The following HECW2 variants were observed in gnomAD, a reference collection of about 807,000 sequenced individuals.
HECW2 encodes E3 ubiquitin-protein ligase HECW2.
HECW2 carries 61 observed loss-of-function variants against 175.2 expected under a neutral mutation model. The observed-to-expected ratio is 0.35, with a 90% CI of 0.28 to 0.43. The LOEUF is 0.43. HECW2 is among the 20% of genes least tolerant of loss of function. The pLI, the probability that HECW2 is intolerant of heterozygous loss-of-function variation, is 1.00. For missense variants in HECW2, 1,524 were observed against 2,000.5 expected (o/e 0.76, Z 4.54); for synonymous variants, 671 against 731.0 (o/e 0.92, Z 1.32).
At chr2:196,532,039 G>A (rs1348655306) in intron 1 of HECW2, among the ~76,000 whole-genome samples, 1 of 152,166 alleles carries the variant, frequency 6.6e-6, no homozygotes, top group Non-Finnish European at 1.5e-5. Flanking sequence ...GCACACAACT[G>A]GCATCTAACA....
rs1473996838 is a variant in HECW2, at chr2:196,581,006, C to A, written c.-36+12502G>T. ...TGACACATGCTACAACATGCATAAA[C>A]CTTAAAAATATTATGCTAAGTGAAA... On this transcript the variant is annotated intron_variant, in intron 1 of 28. Coordinates refer to ENST00000644978, the MANE Select transcript of HECW2 (RefSeq NM_001348768.2). Among the ~76,000 whole-genome samples the A allele has an allele frequency of 3.3e-5, 5 of 152,030 alleles. No individual in the cohort carries two copies. In the South Asian group the frequency reaches 1.0e-3, roughly 32 times the overall value.
intron 2 of HECW2, among the ~76,000 whole-genome samples, chr2:196,352,427 G>A (rs988283010): frequency 6.6e-6 from 1 of 152,178 alleles, no homozygotes; most frequent in Non-Finnish European, 1.5e-5. Flanking sequence ...GCACTGAAAG[G>A]TGTGCAGGAC....
intron 2 of HECW2, among the ~76,000 whole-genome samples, chr2:196,424,642 A>G (rs771636623): frequency 1.3e-5 from 2 of 152,138 alleles, no homozygotes; most frequent in Non-Finnish European, 2.9e-5. Flanking sequence ...ATTCTCTTAA[A>G]CCAAGCCTAA....
intron 1 of HECW2, among the ~76,000 whole-genome samples, chr2:196,496,770 T>G (rs1175557365): frequency 2.6e-5 from 4 of 152,184 alleles, no homozygotes; most frequent in Non-Finnish European, 5.9e-5. Context: ...AGTAAATATT[T>G]TTTCTAAAAG....
At chr2:196,460,041 G>T (rs896999615) in intron 1 of HECW2, among the ~76,000 whole-genome samples, 7 of 152,064 alleles carry the variant, frequency 4.6e-5, no homozygotes, top group Non-Finnish European at 1.0e-4. Context: ...GTTTGTTTCT[G>T]GTCTCCAATG....
At chr2:196,529,899 G>C (rs949817951) in intron 1 of HECW2, among the ~76,000 whole-genome samples, 4 of 152,172 alleles carry the variant, frequency 2.6e-5, no homozygotes, top group African/African-American at 9.7e-5. Context: ...TTAGCTGGAG[G>C]TCACAAATGA....
chr2:196,571,022 A>G (rs1690366491), intron 1 of HECW2, among the ~76,000 whole-genome samples: 1 of 152,202 alleles, frequency 6.6e-6, no homozygotes, highest in African/African-American at 2.4e-5. Flanking sequence ...CTTTCCCTAA[A>G]TATATTTCCC....
chr2:196,432,492 C>T (rs150030408), intron 2 of HECW2, among the ~76,000 whole-genome samples: 25 of 152,270 alleles, frequency 1.6e-4, no homozygotes, highest in African/African-American at 5.8e-4. Context: ...TTTCATTCAT[C>T]GCTCACTCAG....
At chr2:196,567,547 T>C (rs886586650) in intron 1 of HECW2, among the ~76,000 whole-genome samples, 2 of 152,208 alleles carry the variant, frequency 1.3e-5, no homozygotes, top group African/African-American at 4.8e-5. Context: ...ACCTGTCACC[T>C]GAGACTCCCT....
At chr2:196,221,152 T>TA (rs1288256071) in intron 24 of HECW2, among the ~76,000 whole-genome samples, 1 of 152,044 alleles carries the variant, frequency 6.6e-6, no homozygotes, top group Non-Finnish European at 1.5e-5. Flanking sequence ...CTTTGGTGAT[T>TA]AAAGTATATA....
intron 1 of HECW2, among the ~76,000 whole-genome samples, chr2:196,525,224 T>C (rs1263264867): frequency 6.9e-6 from 1 of 145,426 alleles, no homozygotes; most frequent in African/African-American, 2.6e-5. Flanking sequence ...CCCTTTACCA[T>C]TATGTAATGG....
chr2:196,257,218 A>C (rs1483492608), intron 18 of HECW2, among the ~76,000 whole-genome samples: 2 of 151,684 alleles, frequency 1.3e-5, no homozygotes, highest in East Asian at 3.9e-4. Flanking sequence ...AAAACTTGCC[A>C]GTTTCCTTTC....
At chr2:196,426,520 T>A (rs1695552101) in intron 2 of HECW2, among the ~76,000 whole-genome samples, 1 of 152,152 alleles carries the variant, frequency 6.6e-6, no homozygotes. Flanking sequence ...TTTTTTTTAA[T>A]ATACCTGTTG....
intron 14 of HECW2, among the ~76,000 whole-genome samples, chr2:196,286,691 A>G (rs2106012293): frequency 6.6e-6 from 1 of 152,334 alleles, no homozygotes; most frequent in Non-Finnish European, 1.5e-5. Context: ...CTATCATTTT[A>G]TAGTTTAATT....
chr2:196,343,060 A>G (rs1692817684), intron 3 of HECW2, among the ~76,000 whole-genome samples: 1 of 144,030 alleles, frequency 6.9e-6, no homozygotes, highest in African/African-American at 2.8e-5. Context: ...ATATATGTAA[A>G]TGTGTATGTT....
intron 17 of HECW2, 178 bp from the exon 18 acceptor site, chr2:196,258,084 G>T (rs1323041949): frequency 3.6e-6 from 2 of 561,478 alleles, no homozygotes; most frequent in Admixed American, 3.4e-5. Context: ...CCTTCAAGGG[G>T]GGGGATCTTG....
At chr2:196,278,462 C>T in intron 15 of HECW2, 66 bp downstream of exon 15, 4 of 1,490,758 alleles carry the variant, frequency 2.7e-6, no homozygotes, top group Non-Finnish European at 3.6e-6. Flanking sequence ...AGTCAAATTC[C>T]TCAAACCATC....
chr2:196,246,847 T>TATAC (rs1297698801), intron 19 of HECW2, among the ~76,000 whole-genome samples: 1 of 152,246 alleles, frequency 6.6e-6, no homozygotes, highest in Non-Finnish European at 1.5e-5. Context: ...TGATTCTGTT[T>TATAC]ATACTCTAGG....
At chr2:196,570,312 T>C (rs1213305188) in intron 1 of HECW2, among the ~76,000 whole-genome samples, 3 of 152,246 alleles carry the variant, frequency 2.0e-5, no homozygotes, top group African/African-American at 7.2e-5. Context: ...TCATTTATAT[T>C]GCACCTATCA....
Sources: gnomAD v4.1 joint callset for allele counts (sites outside exome capture counted in the v4.1 genomes callset) on GRCh38, gnomAD v4.1.1 for gene constraint, MANE v1.5 for transcripts, NCBI Gene and HGNC (gene_info 2026-07-23, HGNC 2026-07-21) for gene names.